Variants in UBE2G1 observed in about 807,000 individuals in gnomAD.
UBE2G1 encodes ubiquitin conjugating enzyme E2 G1, also known as ubiquitin-conjugating enzyme E2 G1.
A neutral mutation model predicts 22.7 loss-of-function variants in UBE2G1; 5 were observed. That is an observed-to-expected ratio of 0.22 (90% confidence interval 0.12 to 0.46). UBE2G1 has a LOEUF of 0.46. Among genes scored for constraint, UBE2G1 ranks in the 20% least tolerant of loss-of-function variants. The probability of loss-of-function intolerance (pLI) is 0.99; values close to 1 mark genes in which losing one functional copy is unlikely to be tolerated. For synonymous variants in UBE2G1, 74 were observed against 67.5 expected, an observed-to-expected ratio of 1.10 and a Z score of -0.47; for missense variants, 88 against 203.9, an observed-to-expected ratio of 0.43 and a Z score of 3.46.
intron 3 of UBE2G1, 60 bp from the exon 4 acceptor site, chr17:4,289,468 T>C: frequency 6.9e-7 from 1 of 1,443,068 alleles, no homozygotes; most frequent in Non-Finnish European, 9.2e-7. Context: ...ACATGAAATA[T>C]CAATTACAAA....
intron 5 of UBE2G1, among the ~76,000 whole-genome samples, chr17:4,274,377 T>A (rs1346250894): frequency 6.6e-6 from 1 of 152,130 alleles, no homozygotes; most frequent in East Asian, 1.9e-4. Flanking sequence ...TTTTGTATTT[T>A]TAGTAGAGAC....
intron 1 of UBE2G1, among the ~76,000 whole-genome samples, chr17:4,349,760 A>G (rs1657829185): frequency 6.6e-6 from 1 of 150,730 alleles, no homozygotes; most frequent in African/African-American, 2.4e-5. Flanking sequence ...GAAGAATGGC[A>G]TGAACCCGGG....
intron 3 of UBE2G1, among the ~76,000 whole-genome samples, chr17:4,291,419 A>T (rs1969039812): frequency 6.6e-6 from 1 of 152,028 alleles, no homozygotes; most frequent in Non-Finnish European, 1.5e-5. Context: ...TTCAGCATAA[A>T]AATTTCATAG....
At chr17:4,295,858 T>C (rs1046176097) in intron 3 of UBE2G1, among the ~76,000 whole-genome samples, 2 of 149,646 alleles carry the variant, frequency 1.3e-5, no homozygotes, top group Admixed American at 1.4e-4. Context: ...GCAGGAGAAC[T>C]GCCACCGTGT....
chr17:4,315,733 C>T (rs185946490), intron 1 of UBE2G1, among the ~76,000 whole-genome samples: 117 of 148,286 alleles, frequency 7.9e-4, no homozygotes, highest in South Asian at 2.1e-3. Flanking sequence ...GAGCGAGACT[C>T]CATCTCAAAA....
intron 1 of UBE2G1, among the ~76,000 whole-genome samples, chr17:4,349,652 G>A (rs868065109): frequency 1.4e-3 from 219 of 152,104 alleles, no homozygotes; most frequent in African/African-American, 5.0e-3. Flanking sequence ...GACCATCCTG[G>A]CTAACACGGT....
chr17:4,291,793 T>C (rs1376211363), intron 3 of UBE2G1, among the ~76,000 whole-genome samples: 2 of 152,236 alleles, frequency 1.3e-5, no homozygotes, highest in African/African-American at 4.8e-5. Flanking sequence ...TGTTTAAATT[T>C]CATATATAAC....
At chr17:4,303,953 C>T (rs913951694) in intron 2 of UBE2G1, among the ~76,000 whole-genome samples, 4 of 152,298 alleles carry the variant, frequency 2.6e-5, no homozygotes, top group African/African-American at 9.6e-5. Flanking sequence ...AAAAGTTATA[C>T]AGTCATCATT....
chr17:4,346,428 CTTCTTTT>C (rs1448493948), intron 1 of UBE2G1, among the ~76,000 whole-genome samples: 3 of 116,110 alleles, frequency 2.6e-5, no homozygotes, highest in African/African-American at 1.2e-4. Context: ...ACATTTTCTT[CTTCTTTT>C]TTTTTTTTTT....
At chr17:4,360,749 T>C (rs1023570429) in intron 1 of UBE2G1, among the ~76,000 whole-genome samples, 1 of 151,804 alleles carries the variant, frequency 6.6e-6, no homozygotes, top group Admixed American at 6.6e-5. Flanking sequence ...CCATCTCTAC[T>C]AAAAATACAA....
intron 1 of UBE2G1, among the ~76,000 whole-genome samples, chr17:4,313,738 C>T (rs1168015693): frequency 2.6e-5 from 4 of 152,098 alleles, no homozygotes; most frequent in Non-Finnish European, 5.9e-5. Flanking sequence ...GTAATATGTG[C>T]GTACTTTCCT....
intron 1 of UBE2G1, among the ~76,000 whole-genome samples, chr17:4,353,726 G>C (rs1969872901): frequency 6.6e-6 from 1 of 151,684 alleles, no homozygotes; most frequent in Admixed American, 6.6e-5. Flanking sequence ...TGGCCAGGAT[G>C]GTCTCGATCT....
chr17:4,276,480 G>C (rs1316216043), intron 5 of UBE2G1, among the ~76,000 whole-genome samples: 42 of 152,200 alleles, frequency 2.8e-4, no homozygotes. Context: ...TTTTAATGTG[G>C]TTTAACCTTA....
At chr17:4,359,851 C>CAAAAA (rs35941094) in intron 1 of UBE2G1, among the ~76,000 whole-genome samples, 1 of 107,598 alleles carries the variant, frequency 9.3e-6, no homozygotes, top group Non-Finnish European at 2.2e-5. Context: ...GGCTCCATCT[C>CAAAAA]AAAAAAAAAA....
intron 1 of UBE2G1, among the ~76,000 whole-genome samples, chr17:4,317,694 T>A (rs540953694): frequency 6.6e-6 from 1 of 152,332 alleles, no homozygotes; most frequent in Non-Finnish European, 1.5e-5. Flanking sequence ...ATTCCTAAAA[T>A]AACACTTACT....
chr17:4,301,374 G>C, intron 2 of UBE2G1: 1 of 548,876 alleles, frequency 1.8e-6, no homozygotes, highest in East Asian at 3.7e-5. Flanking sequence ...GAAAGCATGG[G>C]TGCTGCTGGC....
rs945727360 is a variant in UBE2G1, at chr17:4,270,402, A to T, written c.*2152T>A. The T allele has an allele frequency of 6.6e-6, 1 of 152,154 alleles. No individual in the cohort carries two copies. Among genetic ancestry groups the T allele is most frequent in the Non-Finnish European group, 1.5e-5 (1 of 68,030 alleles). The allele number at this position is 152,154 out of a possible 1,614,324, so 9.4% of individuals were successfully genotyped here. On this transcript the variant is annotated 3_prime_UTR_variant, in exon 6 of 6. Transcript: ENST00000396981. The stretch of plus-strand genomic sequence containing the variant: ...TCTCTTAAAAGAATTTTTTTGTATT[A>T]GCCAGGCATGGTGGCATACACCTGT...
intron 4 of UBE2G1, among the ~76,000 whole-genome samples, chr17:4,287,853 A>C (rs1159138381): frequency 6.6e-6 from 1 of 152,134 alleles, no homozygotes; most frequent in Non-Finnish European, 1.5e-5. Context: ...AGAGGTTCCT[A>C]GACTAGCCTC....
chr17:4,366,530 G>A lies in UBE2G1; in HGVS notation c.-214C>T. The A allele has an allele frequency of 2.3e-6, 1 of 433,726 alleles. No individual in the cohort carries two copies. Among genetic ancestry groups the A allele is most frequent in the Middle Eastern group, 6.0e-4 (1 of 1,670 alleles). 26.9% of individuals were successfully genotyped at this position (433,726 alleles called of 1,614,324 possible). A position where few individuals can be genotyped will look rare whatever the true frequency, so the allele number is the denominator to read the frequency against. ...TTTTCACAGCGACTCACGCCCGGAAGGGGAGGGTGCCCGGGCTGCCGCGGC... is the reference window on the plus strand; with the variant it reads ...TTTTCACAGCGACTCACGCCCGGAAAGGGAGGGTGCCCGGGCTGCCGCGGC... On this transcript the variant is annotated 5_prime_UTR_variant, in exon 1 of 6. Coordinates refer to ENST00000396981, the MANE Select transcript of UBE2G1 (RefSeq NM_003342.5).
Sources: gnomAD v4.1 joint callset for allele counts (sites outside exome capture counted in the v4.1 genomes callset) on GRCh38, gnomAD v4.1.1 for gene constraint, MANE v1.5 for transcripts, NCBI Gene and HGNC (gene_info 2026-07-23, HGNC 2026-07-21) for gene names.